The following KCNB2 variants were observed in gnomAD, a reference collection of about 807,000 sequenced individuals.
KCNB2 encodes the protein delayed rectifier potassium channel protein.
KCNB2 carries 15 observed loss-of-function variants against 61.5 expected under a neutral mutation model. The observed-to-expected ratio is 0.24, with a 90% confidence interval of 0.16 to 0.38. The LOEUF (loss-of-function observed/expected upper bound fraction) is 0.38. KCNB2 is among the 10% of genes least tolerant of loss of function. The probability of loss-of-function intolerance (pLI) is 1.00; values close to 1 mark genes in which losing one functional copy is unlikely to be tolerated. For synonymous variants in KCNB2, 457 were observed against 446.0 expected (o/e 1.02, Z -0.31); for missense variants, 828 against 1,125.2 (o/e 0.74, Z 3.78).
chr8:72,618,887 C>T, intron 2 of KCNB2: 1 of 289,782 alleles, frequency 3.5e-6, no homozygotes, highest in South Asian at 4.0e-5. Flanking sequence ...TTAACTCTGC[C>T]AGTTTCTCTG....
intron 2 of KCNB2, among the ~76,000 whole-genome samples, chr8:72,837,816 C>G (rs1809806479): frequency 9.3e-6 from 1 of 107,432 alleles, no homozygotes; most frequent in African/African-American, 3.2e-5. Flanking sequence ...ACTTCCTATG[C>G]TAACTTCAAT....
At chr8:72,871,470 A>G (rs1434526495) in intron 2 of KCNB2, among the ~76,000 whole-genome samples, 1 of 152,242 alleles carries the variant, frequency 6.6e-6, no homozygotes, top group Non-Finnish European at 1.5e-5. Flanking sequence ...TAATCCATAA[A>G]TATAACTTTT....
At chr8:72,745,166 C>T (rs1479357279) in intron 2 of KCNB2, among the ~76,000 whole-genome samples, 1 of 152,118 alleles carries the variant, frequency 6.6e-6, no homozygotes, top group Non-Finnish European at 1.5e-5. Context: ...GGGAAAGAAA[C>T]CTAACAAGTA....
At chr8:72,716,235 A>C (rs1027475141) in intron 2 of KCNB2, among the ~76,000 whole-genome samples, 4 of 152,162 alleles carry the variant, frequency 2.6e-5, no homozygotes, top group African/African-American at 9.7e-5. Flanking sequence ...CCAGAGGTAC[A>C]AGGAGGAACT....
At chr8:72,838,039 C>T in intron 2 of KCNB2, among the ~76,000 whole-genome samples, 1 of 152,004 alleles carries the variant, frequency 6.6e-6, no homozygotes. Flanking sequence ...TAGGAAAGTA[C>T]TCATCATTCA....
At chr8:72,608,216 T>C (rs924651206) in intron 2 of KCNB2, among the ~76,000 whole-genome samples, 2 of 152,088 alleles carry the variant, frequency 1.3e-5, no homozygotes, top group African/African-American at 4.8e-5. Context: ...GTGGCAGATA[T>C]GGCAGATGGG....
chr8:72,662,946 G>A (rs951414676), intron 2 of KCNB2, among the ~76,000 whole-genome samples: 1 of 152,176 alleles, frequency 6.6e-6, no homozygotes, highest in African/African-American at 2.4e-5. Flanking sequence ...GAAGTCTTCA[G>A]AAAACTGATG....
intron 2 of KCNB2, among the ~76,000 whole-genome samples, chr8:72,760,222 C>A (rs891559737): frequency 3.3e-5 from 5 of 152,182 alleles, no homozygotes; most frequent in African/African-American, 9.7e-5. Flanking sequence ...TGGACTTAAG[C>A]AAGTTAACTG....
rs548214224 is a variant in KCNB2 at position 72,694,001 on chromosome 8, C to G, written c.579+125688C>G. Among the ~76,000 whole-genome samples the G allele has an allele frequency of 3.4e-4, 51 of 152,048 alleles. 1 individual carries two copies. The South Asian group carries it at 1.0e-2, about 30-fold the overall frequency. ...AATATAGAATGTTTATCTTAAGGAC[C>G]AAATGATATATTTACATTGGGAAAG... On this transcript the variant is annotated intron_variant, in intron 2 of 2. Transcript: ENST00000523207.
intron 2 of KCNB2, among the ~76,000 whole-genome samples, chr8:72,931,012 T>A (rs1287257872): frequency 3.3e-5 from 5 of 152,334 alleles, no homozygotes; most frequent in East Asian, 1.9e-4. Context: ...AGCTTTCTAC[T>A]AATGGCTAGC....
intron 2 of KCNB2, among the ~76,000 whole-genome samples, chr8:72,779,327 A>C (rs537786043): frequency 2.6e-5 from 4 of 152,220 alleles, no homozygotes; most frequent in Non-Finnish European, 5.9e-5. Flanking sequence ...TGCTGACCAT[A>C]GCAACAAAGG....
At chr8:72,742,997 C>T (rs1166010167) in intron 2 of KCNB2, among the ~76,000 whole-genome samples, 1 of 152,192 alleles carries the variant, frequency 6.6e-6, no homozygotes, top group African/African-American at 2.4e-5. Flanking sequence ...GGCTATGTCT[C>T]ACTCAGCCAT....
intron 2 of KCNB2, among the ~76,000 whole-genome samples, chr8:72,870,952 G>A (rs1475831021): frequency 1.3e-5 from 2 of 152,190 alleles, no homozygotes; most frequent in African/African-American, 4.8e-5. Flanking sequence ...ACTCCAGCCT[G>A]AGTGACAGAG....
At chr8:72,708,498 A>G (rs1322356086) in intron 2 of KCNB2, among the ~76,000 whole-genome samples, 2 of 152,202 alleles carry the variant, frequency 1.3e-5, no homozygotes, top group African/African-American at 2.4e-5. Flanking sequence ...AGAGAATGCC[A>G]TCTTCTGGTG....
chr8:72,896,747 T>C (rs1805995166), intron 2 of KCNB2, among the ~76,000 whole-genome samples: 1 of 152,160 alleles, frequency 6.6e-6, no homozygotes, highest in Non-Finnish European at 1.5e-5. Context: ...TCAAAATGAC[T>C]GATTTTCATA....
At position 72,699,287 on chromosome 8, in the gene KCNB2, C is replaced by T. The variant is rs533694637; in HGVS notation, c.579+130974C>T. On this transcript the variant is annotated intron_variant, in intron 2 of 2. Transcript: ENST00000523207. Reference sequence around the variant, plus strand: ...TTGACTTTTTTAATAATTGACATTCCGGCTGGTATGAGATGTTATCTCGTT... The same window carrying T: ...TTGACTTTTTTAATAATTGACATTCTGGCTGGTATGAGATGTTATCTCGTT... Among the ~76,000 whole-genome samples, 321 of 135,562 alleles carry T rather than the reference C, an allele frequency of 2.4e-3. 2 individuals carry two copies. The highest frequency in any genetic ancestry group is 7.2e-3 in the Middle Eastern group (2 of 278). 88.9% of individuals were successfully genotyped at this position (135,562 alleles called of 152,430 possible). A position where few individuals can be genotyped will look rare whatever the true frequency, so the allele number is the denominator to read the frequency against.
At position 72,730,556 on chromosome 8, in the gene KCNB2, C is replaced by T. The variant is rs187641921; in HGVS notation, c.579+162243C>T. 3.0e-3 allele frequency among the ~76,000 whole-genome samples: 449 copies of T among 152,166 alleles called. 4 individuals carry two copies. Among genetic ancestry groups the T allele is most frequent in the African/African-American group, 0.01 (432 of 41,508 alleles). On this transcript the variant is annotated intron_variant, in intron 2 of 2. Coordinates refer to ENST00000523207, the MANE Select transcript of KCNB2 (RefSeq NM_004770.3). ...CAAACTAATTCATTTGTCCTGGTTC[C>T]TTCACAGTCAATGTCATTTTTTTCA...
At chr8:72,689,559 C>T (rs779931911) in intron 2 of KCNB2, among the ~76,000 whole-genome samples, 3 of 152,298 alleles carry the variant, frequency 2.0e-5, no homozygotes, top group African/African-American at 4.8e-5. Context: ...ACTCACTCTT[C>T]GTTCCCACTC....
At chr8:72,670,221 A>G (rs1161042761) in intron 2 of KCNB2, among the ~76,000 whole-genome samples, 1 of 152,234 alleles carries the variant, frequency 6.6e-6, no homozygotes, top group East Asian at 1.9e-4. Context: ...TCAAAGGTGA[A>G]TGACCAGCAA....
Sources: gnomAD v4.1 joint callset for allele counts (sites outside exome capture counted in the v4.1 genomes callset) on GRCh38, gnomAD v4.1.1 for gene constraint, MANE v1.5 for transcripts, NCBI Gene and HGNC (gene_info 2026-07-23, HGNC 2026-07-21) for gene names.